DGKB: variants seen among roughly 807,000 people sequenced by gnomAD.
DGKB encodes 90 kDa diacylglycerol kinase.
Under a neutral mutation model 114.3 loss-of-function variants are expected in DGKB, and 67 were observed. That is an observed-to-expected ratio of 0.59 (90% confidence interval 0.48 to 0.72). DGKB has a LOEUF of 0.72. DGKB is among the 30% of genes least tolerant of loss of function. The pLI is 0.00. For missense variants in DGKB, 907 were observed against 975.2 expected, an observed-to-expected ratio of 0.93 and a Z score of 0.93; for synonymous variants, 398 against 323.1, an observed-to-expected ratio of 1.23 and a Z score of -2.49.
At chr7:14,173,772 T>A (rs1483448561) in intron 25 of DGKB, among the ~76,000 whole-genome samples, 1 of 152,152 alleles carries the variant, frequency 6.6e-6, no homozygotes, top group African/African-American at 2.4e-5. Context: ...GTGGGAAAAG[T>A]AGAGTATGCC....
chr7:14,501,311 A>C (rs1199400610), intron 20 of DGKB, among the ~76,000 whole-genome samples: 1 of 151,910 alleles, frequency 6.6e-6, no homozygotes, highest in Non-Finnish European at 1.5e-5. Context: ...CAGTGTCCCA[A>C]AGTAGCATCT....
chr7:14,346,701 G>T (rs1039032983), intron 21 of DGKB, among the ~76,000 whole-genome samples: 1 of 151,862 alleles, frequency 6.6e-6, no homozygotes, highest in African/African-American at 2.4e-5. Context: ...CTACAGATGT[G>T]TCTATATTAA....
At chr7:14,761,803 C>T (rs1475971387) in intron 2 of DGKB, among the ~76,000 whole-genome samples, 1 of 152,072 alleles carries the variant, frequency 6.6e-6, no homozygotes, top group African/African-American at 2.4e-5. Context: ...GGAGAAAGAA[C>T]CTGGAAGATT....
chr7:14,569,054 ATTTAT>A (rs1797999237), intron 20 of DGKB, among the ~76,000 whole-genome samples: 1 of 152,146 alleles, frequency 6.6e-6, no homozygotes, highest in African/African-American at 2.4e-5. Context: ...ATTTGAGACA[ATTTAT>A]TTTATTTCAT....
At chr7:14,916,696 A>G (rs913203432) in intron 1 of DGKB, among the ~76,000 whole-genome samples, 1 of 152,128 alleles carries the variant, frequency 6.6e-6, no homozygotes, top group African/African-American at 2.4e-5. Context: ...TTATAGTTGG[A>G]AAGTTCAACA....
intron 1 of DGKB, among the ~76,000 whole-genome samples, chr7:14,868,742 G>C (rs113881836): frequency 1.1e-3 from 166 of 152,176 alleles, no homozygotes; most frequent in Non-Finnish European, 2.1e-3. Flanking sequence ...AGAAATGGAA[G>C]AGAAGGTAAA....
chr7:14,806,556 G>A (rs371412208), intron 2 of DGKB, among the ~76,000 whole-genome samples: 1 of 151,906 alleles, frequency 6.6e-6, no homozygotes, highest in African/African-American at 2.4e-5. Context: ...TATTGTTTTA[G>A]ATTTTAACGT....
At chr7:14,752,031 G>C (rs1048587007) in intron 4 of DGKB, among the ~76,000 whole-genome samples, 3 of 152,078 alleles carry the variant, frequency 2.0e-5, no homozygotes, top group Admixed American at 6.6e-5. Context: ...CAATAAGGCT[G>C]ATGCTCTCTT....
intron 21 of DGKB, among the ~76,000 whole-genome samples, chr7:14,351,106 G>C (rs528542507): frequency 2.6e-5 from 4 of 152,184 alleles, no homozygotes; most frequent in African/African-American, 9.6e-5. Context: ...TGGTTAATGG[G>C]AAAGGTTGAC....
At chr7:14,161,937 A>C (rs928643872) in intron 25 of DGKB, among the ~76,000 whole-genome samples, 2 of 152,238 alleles carry the variant, frequency 1.3e-5, no homozygotes, top group East Asian at 3.8e-4. Context: ...GTTCATTTTT[A>C]TTAAGCACTT....
At chr7:14,770,359 A>T (rs2128470511) in intron 2 of DGKB, among the ~76,000 whole-genome samples, 1 of 152,158 alleles carries the variant, frequency 6.6e-6, no homozygotes, top group Non-Finnish European at 1.5e-5. Flanking sequence ...GCCAGGAAGG[A>T]GTTCTCCAGC....
At chr7:14,521,721 T>C (rs1314422578) in intron 20 of DGKB, among the ~76,000 whole-genome samples, 1 of 152,186 alleles carries the variant, frequency 6.6e-6, no homozygotes, top group Non-Finnish European at 1.5e-5. Context: ...ATGACTGTTT[T>C]GATAACAACA....
intron 1 of DGKB, among the ~76,000 whole-genome samples, chr7:14,847,032 T>C (rs1848712244): frequency 6.6e-6 from 1 of 152,182 alleles, no homozygotes; most frequent in African/African-American, 2.4e-5. Context: ...GGCTCATGCC[T>C]GTAATCCCAG....
intron 20 of DGKB, among the ~76,000 whole-genome samples, chr7:14,547,828 T>C (rs1217910000): frequency 6.6e-6 from 1 of 152,092 alleles, no homozygotes; most frequent in Non-Finnish European, 1.5e-5. Context: ...TGAAAGAAAA[T>C]AAAAATTCTG....
At chr7:14,695,931 G>A (rs566367443) in intron 8 of DGKB, among the ~76,000 whole-genome samples, 1 of 152,220 alleles carries the variant, frequency 6.6e-6, no homozygotes. Flanking sequence ...CAGACATAAT[G>A]TACAACTTTG....
intron 1 of DGKB, among the ~76,000 whole-genome samples, chr7:14,929,390 A>T (rs1784894600): frequency 6.6e-6 from 1 of 151,986 alleles, no homozygotes; most frequent in African/African-American, 2.4e-5. Flanking sequence ...CCTCACCAAC[A>T]TCTGTTATTT....
At chr7:14,678,760 G>A (rs1820318475) in intron 12 of DGKB, among the ~76,000 whole-genome samples, 1 of 151,954 alleles carries the variant, frequency 6.6e-6, no homozygotes, top group South Asian at 2.1e-4. Flanking sequence ...AGGGAGATGA[G>A]CCAAGAGATT....
At chr7:14,830,947 G>C (rs2128122049) in intron 2 of DGKB, among the ~76,000 whole-genome samples, 1 of 151,840 alleles carries the variant, frequency 6.6e-6, no homozygotes, top group Non-Finnish European at 1.5e-5. Flanking sequence ...ATGTATGTGT[G>C]TGAATATCTG....
intron 2 of DGKB, among the ~76,000 whole-genome samples, chr7:14,837,510 A>C: frequency 6.6e-6 from 1 of 152,256 alleles, no homozygotes; most frequent in East Asian, 1.9e-4. Flanking sequence ...TATACCAAAT[A>C]TAATCTTAGC....
Sources: gnomAD v4.1 joint callset for allele counts (sites outside exome capture counted in the v4.1 genomes callset) on GRCh38, gnomAD v4.1.1 for gene constraint, MANE v1.5 for transcripts, NCBI Gene and HGNC (gene_info 2026-07-23, HGNC 2026-07-21) for gene names.